Variants in FRMPD4 observed in about 807,000 individuals in gnomAD.
The protein encoded by FRMPD4 is FERM and PDZ domain containing 4, also known as FERM and PDZ domain-containing protein 4.
In FRMPD4, 22 loss-of-function variants were observed where a neutral mutation model predicts 94.1. The ratio of observed to expected loss-of-function variants is 0.23; its 90% confidence interval spans 0.17 to 0.33. The LOEUF (loss-of-function observed/expected upper bound fraction) is 0.33. Among genes scored for constraint, FRMPD4 ranks in the 10% least tolerant of loss-of-function variants. The pLI, the probability that FRMPD4 is intolerant of heterozygous loss-of-function variation, is 1.00. For synonymous variants in FRMPD4, 631 were observed against 548.6 expected, an observed-to-expected ratio of 1.15 and a Z score of -2.10; for missense variants, 1,111 against 1,339.9, an observed-to-expected ratio of 0.83 and a Z score of 2.67.
intron 3 of FRMPD4, among the ~76,000 whole-genome samples, chrX:12,007,610 T>G (rs1198806382): frequency 9.0e-6 from 1 of 111,259 alleles, no homozygotes; most frequent in Non-Finnish European, 1.9e-5. Context: ...TCTAAAATAC[T>G]CTCTGTACCT....
chrX:12,518,885 G>T (rs978215558), intron 2 of FRMPD4, among the ~76,000 whole-genome samples: 1 of 111,795 alleles, frequency 8.9e-6, no homozygotes, highest in Non-Finnish European at 1.9e-5. Context: ...ACAGGTCACA[G>T]AACAGTCAGT....
chrX:12,258,973 T>C (rs764104420), intron 1 of FRMPD4, among the ~76,000 whole-genome samples: 1 of 112,192 alleles, frequency 8.9e-6, no homozygotes, highest in South Asian at 3.7e-4. Context: ...CCCTCTTTCC[T>C]ATCCTCTGGT....
At chrX:12,182,541 C>T (rs1261741332) in intron 1 of FRMPD4, among the ~76,000 whole-genome samples, 2 of 104,694 alleles carry the variant, frequency 1.9e-5, no homozygotes, top group Admixed American at 2.2e-4. Context: ...AAACTTTGTT[C>T]AGTCTCTTAG....
At chrX:12,258,144 T>C (rs1237363989) in intron 1 of FRMPD4, among the ~76,000 whole-genome samples, 1 of 111,183 alleles carries the variant, frequency 9.0e-6, no homozygotes, top group African/African-American at 3.3e-5. Context: ...GAATTTGCTT[T>C]ATCTTTTAAA....
At chrX:12,325,926 A>T (rs911062320) in intron 1 of FRMPD4, among the ~76,000 whole-genome samples, 1 of 112,335 alleles carries the variant, frequency 8.9e-6, no homozygotes, top group Admixed American at 9.4e-5. Context: ...TAGGTTTAGC[A>T]GGTGAAGAGC....
At chrX:12,193,829 G>GGAA (rs2056531269) in intron 1 of FRMPD4, among the ~76,000 whole-genome samples, 1 of 24,808 alleles carries the variant, frequency 4.0e-5, no homozygotes, top group African/African-American at 1.7e-4. Flanking sequence ...GAAGGAAGGA[G>GGAA]GGAAGGAAGA....
chrX:11,852,965 C>T (rs1204887558), intron 1 of FRMPD4, among the ~76,000 whole-genome samples: 2 of 112,286 alleles, frequency 1.8e-5, no homozygotes, highest in Middle Eastern at 4.6e-3. Flanking sequence ...TCTTCATCGC[C>T]TTGTGGTACT....
At chrX:12,583,662 C>A in intron 2 of FRMPD4, 1 of 372,187 alleles carries the variant, frequency 2.7e-6, no homozygotes, top group South Asian at 4.4e-5. Context: ...GTCTGCGCGC[C>A]CCGCCGCCCT....
chrX:11,839,495 G>A (rs2053520946), intron 1 of FRMPD4, among the ~76,000 whole-genome samples: 1 of 111,229 alleles, frequency 9.0e-6, no homozygotes, highest in Non-Finnish European at 1.9e-5. Flanking sequence ...CTATATAAAA[G>A]CCCTTTATTA....
chrX:12,481,199 G>T (rs2057676203), intron 1 of FRMPD4, among the ~76,000 whole-genome samples: 1 of 110,865 alleles, frequency 9.0e-6, no homozygotes, highest in Admixed American at 9.5e-5. Context: ...TAGGGAGCTT[G>T]CCAGCCCTGC....
At position 12,488,683 on chromosome X, in the gene FRMPD4, T is replaced by C. The variant is rs370017639; in HGVS notation, c.42-9997T>C. Among the ~76,000 whole-genome samples, 13 of 111,470 alleles carry C rather than the reference T, an allele frequency of 1.2e-4. No homozygotes were observed. The East Asian group carries it at 3.4e-3, about 29-fold the overall frequency. ...ACTGTTACTTCAGTGAAAAAAAAGT[T>C]TTGCACAATTTGTGTATCAGAGTCT... On this transcript the variant is annotated intron_variant, in intron 1 of 16. Coordinates refer to ENST00000675598, the MANE Select transcript of FRMPD4 (RefSeq NM_001368397.1).
At chrX:12,584,935 T>G (rs1486768126) in intron 2 of FRMPD4, among the ~76,000 whole-genome samples, 1 of 111,958 alleles carries the variant, frequency 8.9e-6, no homozygotes, top group Non-Finnish European at 1.9e-5. Context: ...AATTTAATTT[T>G]TTTGAGGCAG....
intron 3 of FRMPD4, among the ~76,000 whole-genome samples, chrX:12,612,987 G>A (rs1260605161): frequency 1.8e-5 from 2 of 111,710 alleles, no homozygotes; most frequent in Admixed American, 9.5e-5. Context: ...CATATGCCTC[G>A]TATCTGGGTG....
chrX:12,568,934 T>C lies in FRMPD4; in HGVS notation c.159-40787T>C, dbSNP rs147697873. 3.6e-3 allele frequency among the ~76,000 whole-genome samples: 400 copies of C among 112,047 alleles called. 4 individuals are homozygous for C. The highest frequency in any genetic ancestry group is 0.012 in the African/African-American group (383 of 30,893). On this transcript the variant is annotated intron_variant, in intron 2 of 16. Transcript: ENST00000675598. ...GGAAATTTAACTGCCATTGTGATCGTATTAAGAGGTAGGACTGTTAAGAGG... is the reference window on the plus strand; with the variant it reads ...GGAAATTTAACTGCCATTGTGATCGCATTAAGAGGTAGGACTGTTAAGAGG...
intron 1 of FRMPD4, among the ~76,000 whole-genome samples, chrX:11,840,964 A>G (rs753915643): frequency 7.4e-5 from 7 of 94,937 alleles, no homozygotes; most frequent in African/African-American, 2.4e-4. Context: ...CTCATTGTTC[A>G]ATTCCCACCT....
intron 1 of FRMPD4, among the ~76,000 whole-genome samples, chrX:12,424,438 T>C (rs2148093091): frequency 8.9e-6 from 1 of 112,915 alleles, no homozygotes; most frequent in South Asian, 3.7e-4. Flanking sequence ...TTTCAAAAAA[T>C]ATTTCTCTTG....
intron 2 of FRMPD4, among the ~76,000 whole-genome samples, chrX:12,595,859 T>C (rs139828735): frequency 0.014 from 1,582 of 112,182 alleles, 33 homozygotes; most frequent in African/African-American, 0.048. Flanking sequence ...ACATCACTTC[T>C]CAACAGTGCA....
intron 3 of FRMPD4, among the ~76,000 whole-genome samples, chrX:11,969,633 G>T (rs2054329665): frequency 8.9e-6 from 1 of 111,855 alleles, no homozygotes; most frequent in Non-Finnish European, 1.9e-5. Context: ...GGCGCCTAAG[G>T]CTGTCTTGCT....
chrX:12,312,978 G>C (rs1376378783), intron 1 of FRMPD4, among the ~76,000 whole-genome samples: 1 of 111,521 alleles, frequency 9.0e-6, no homozygotes. Context: ...CTATGGGGGA[G>C]CGATGGATGG....
Sources: gnomAD v4.1 joint callset for allele counts (sites outside exome capture counted in the v4.1 genomes callset) on GRCh38, gnomAD v4.1.1 for gene constraint, MANE v1.5 for transcripts, NCBI Gene and HGNC (gene_info 2026-07-23, HGNC 2026-07-21) for gene names.